The following CNTLN variants were observed in gnomAD, a reference collection of about 807,000 sequenced individuals.
The protein encoded by CNTLN is centlein, centrosomal protein.
Under a neutral mutation model 180.0 loss-of-function variants are expected in CNTLN, and 212 were observed. The ratio of observed to expected loss-of-function variants is 1.18; its 90% CI spans 1.05 to 1.32. The LOEUF is 1.32. Ranked by LOEUF, CNTLN falls within the 40% of genes most tolerant of loss-of-function variation. The pLI is 0.00. For missense variants in CNTLN, 2,095 were observed against 1,610.9 expected (o/e 1.30, Z -5.14); for synonymous variants, 722 against 563.1 (o/e 1.28, Z -3.99).
intron 12 of CNTLN, among the ~76,000 whole-genome samples, chr9:17,364,516 T>C (rs10122987): frequency 0.57 from 85,585 of 151,380 alleles, 24,701 homozygotes; most frequent in East Asian, 0.73. Context: ...TTTTAATATA[T>C]GTTTATCACT....
the CNTLN span, among the ~76,000 whole-genome samples, chr9:17,517,320 A>C: frequency 6.6e-6 from 1 of 151,880 alleles, no homozygotes; most frequent in Non-Finnish European, 1.5e-5. Context: ...TGAACCCAGG[A>C]GGCGGAGCTT....
chr9:17,354,833 T>C (rs1444691277), intron 12 of CNTLN, among the ~76,000 whole-genome samples: 4 of 152,050 alleles, frequency 2.6e-5, no homozygotes, highest in African/African-American at 4.8e-5. Flanking sequence ...GCAATAAATC[T>C]TGCTATTGCT....
intron 15 of CNTLN, among the ~76,000 whole-genome samples, chr9:17,408,087 A>T (rs1265830896): frequency 7.2e-6 from 1 of 139,686 alleles, no homozygotes; most frequent in African/African-American, 2.7e-5. Context: ...AGATCGTGCC[A>T]CTACACTCCA....
chr9:17,220,578 A>G (rs1279330764), intron 2 of CNTLN, among the ~76,000 whole-genome samples: 1 of 151,816 alleles, frequency 6.6e-6, no homozygotes, highest in African/African-American at 2.4e-5. Context: ...CTGATCTTCT[A>G]CCTCCTCCCA....
At chr9:17,149,902 C>T (rs1818736595) in intron 2 of CNTLN, among the ~76,000 whole-genome samples, 1 of 152,114 alleles carries the variant, frequency 6.6e-6, no homozygotes, top group African/African-American at 2.4e-5. Context: ...CTCTAATGAC[C>T]AGTGATGATG....
intron 6 of CNTLN, among the ~76,000 whole-genome samples, chr9:17,287,355 GC>G (rs1329791217): frequency 6.8e-6 from 1 of 148,056 alleles, no homozygotes; most frequent in African/African-American, 2.5e-5. Context: ...CAGGGATGAA[GC>G]CCACTTGATC....
chr9:17,478,640 T>G (rs569033102), intron 23 of CNTLN, among the ~76,000 whole-genome samples: 3 of 152,270 alleles, frequency 2.0e-5, no homozygotes, highest in East Asian at 3.9e-4. Context: ...TACTTAAGTC[T>G]TTTATCCATC....
chr9:17,336,983 C>T (rs1821088837), intron 10 of CNTLN, among the ~76,000 whole-genome samples: 1 of 152,154 alleles, frequency 6.6e-6, no homozygotes, highest in South Asian at 2.1e-4. Flanking sequence ...TTTGTTGTTT[C>T]CTGGCTTTTT....
chr9:17,310,941 G>A (rs1456588083), intron 8 of CNTLN, among the ~76,000 whole-genome samples: 1 of 151,820 alleles, frequency 6.6e-6, no homozygotes, highest in East Asian at 1.9e-4. Context: ...TCCCTAGTAA[G>A]TTAATATATG....
rs57960408 is a variant in CNTLN at position 17,202,646 on chromosome 9, GTTTTTTT to G, written c.450-23539_450-23533del. Among the ~76,000 whole-genome samples, 30 of 71,474 alleles carry G rather than the reference GTTTTTTT, an allele frequency of 4.2e-4. No individual in the cohort carries two copies. In the East Asian group the frequency reaches 4.3e-3, roughly 10 times the overall value. The allele number at this position is 71,474 out of a possible 152,430, so 46.9% of individuals were successfully genotyped here. A position where few individuals can be genotyped will look rare whatever the true frequency, so the allele number is the denominator to read the frequency against. On this transcript the variant is annotated intron_variant, in intron 2 of 25. Transcript: ENST00000380647. ...ATCAGAGCCTAGGATTGCAACCTCT[GTTTTTTT>G]TTTTTTTTTTTTTTTTTGTTGCTTT...
intron 5 of CNTLN, among the ~76,000 whole-genome samples, chr9:17,254,755 G>C (rs1826368820): frequency 6.6e-6 from 1 of 151,440 alleles, no homozygotes; most frequent in South Asian, 2.1e-4. Context: ...TTTCAGAATT[G>C]CTGTGGCTGT....
intron 10 of CNTLN, among the ~76,000 whole-genome samples, chr9:17,338,636 A>G (rs1821243384): frequency 6.6e-6 from 1 of 152,030 alleles, no homozygotes; most frequent in South Asian, 2.1e-4. Flanking sequence ...TGTTTTGCTA[A>G]CTTAAATTAT....
intron 2 of CNTLN, among the ~76,000 whole-genome samples, chr9:17,152,028 G>A (rs1393376282): frequency 6.6e-6 from 1 of 151,996 alleles, no homozygotes; most frequent in East Asian, 1.9e-4. Flanking sequence ...ATTTTTTATG[G>A]CATCTATTTG....
At chr9:17,239,637 A>G (rs1825367953) in intron 5 of CNTLN, among the ~76,000 whole-genome samples, 1 of 152,062 alleles carries the variant, frequency 6.6e-6, no homozygotes, top group Non-Finnish European at 1.5e-5. Context: ...TTTTGAGTTA[A>G]CTTTTGAATA....
At chr9:17,187,978 C>A (rs1821535449) in intron 2 of CNTLN, among the ~76,000 whole-genome samples, 1 of 148,200 alleles carries the variant, frequency 6.7e-6, no homozygotes, top group African/African-American at 2.5e-5. Context: ...CTCTACTTTG[C>A]TCAATAATTA....
At chr9:17,517,475 C>G in the CNTLN span, among the ~76,000 whole-genome samples, 1 of 151,698 alleles carries the variant, frequency 6.6e-6, no homozygotes, top group Non-Finnish European at 1.5e-5. Flanking sequence ...TAGATGTATT[C>G]AAGTTAAGAA....
At chr9:17,521,377 C>G in the CNTLN span, among the ~76,000 whole-genome samples, 4 of 151,932 alleles carry the variant, frequency 2.6e-5, no homozygotes, top group African/African-American at 9.7e-5. Context: ...AAAGAGAACA[C>G]TCCTGTGATC....
At chr9:17,155,784 GA>G (rs905831769) in intron 2 of CNTLN, among the ~76,000 whole-genome samples, 33 of 145,902 alleles carry the variant, frequency 2.3e-4, no homozygotes, top group South Asian at 4.4e-4. Context: ...GTAGGGTATG[GA>G]AAAAAAAAAA....
In CNTLN at chr9:17,210,507, A is replaced by G. The variant is rs536570521; in HGVS notation, c.450-15696A>G. 5.9e-5 allele frequency among the ~76,000 whole-genome samples: 9 copies of G among 152,292 alleles called. No individual in the cohort carries two copies. In the East Asian group the frequency reaches 1.2e-3, roughly 20 times the overall value. On this transcript the variant is annotated intron_variant, in intron 2 of 25. Coordinates refer to ENST00000380647, the MANE Select transcript of CNTLN (RefSeq NM_017738.4). ...GTTCCAAGTCTTTGCTATTGTGAAT[A>G]TTGCCGCAGTGAACATACGTGTGCA...
Sources: allele counts gnomAD v4.1 joint callset (sites outside exome capture counted in the v4.1 genomes callset), GRCh38; gene constraint gnomAD v4.1.1; transcripts MANE v1.5; gene names NCBI Gene and HGNC (gene_info 2026-07-23, HGNC 2026-07-21).